The following DLG2 variants were observed in gnomAD, a reference collection of about 807,000 sequenced individuals.
The protein encoded by DLG2 is disks large homolog 2.
A neutral mutation model predicts 132.5 loss-of-function variants in DLG2; 45 were observed. The observed-to-expected ratio is 0.34, with a 90% CI of 0.27 to 0.44. DLG2 has a LOEUF of 0.44. Among genes scored for constraint, DLG2 ranks in the 20% least tolerant of loss-of-function variants. The pLI is 1.00. For synonymous variants in DLG2, 424 were observed against 419.6 expected, an observed-to-expected ratio of 1.01 and a Z score of -0.13; for missense variants, 1,045 against 1,196.9, an observed-to-expected ratio of 0.87 and a Z score of 1.87.
rs2153096280 is a variant in DLG2 at position 85,484,759 on chromosome 11, G to A, written c.40+113898C>T. ...ACACTTTTACACTGTTGGTGGGACT[G>A]TAAACTAGTTCAACCATTGTGGAAG... On this transcript the variant is annotated intron_variant, in intron 3 of 27. Coordinates refer to ENST00000376104, the MANE Select transcript of DLG2 (RefSeq NM_001142699.3). 4.0e-5 allele frequency among the ~76,000 whole-genome samples: 6 copies of A among 149,874 alleles called. No individual in the cohort carries two copies. In the South Asian group the frequency reaches 1.3e-3, roughly 32 times the overall value.
intron 19 of DLG2, among the ~76,000 whole-genome samples, chr11:83,543,897 G>T (rs1208532564): frequency 1.3e-5 from 2 of 152,198 alleles, no homozygotes; most frequent in South Asian, 2.1e-4. Flanking sequence ...TTTTGGGAGG[G>T]TTCCCACCAT....
intron 17 of DLG2, among the ~76,000 whole-genome samples, chr11:83,798,143 T>C (rs1212705731): frequency 6.6e-6 from 1 of 152,202 alleles, no homozygotes; most frequent in Non-Finnish European, 1.5e-5. Context: ...GTCATCTGCC[T>C]GCTCTGAAAG....
intron 19 of DLG2, among the ~76,000 whole-genome samples, chr11:83,550,393 G>A (rs1452421392): frequency 6.6e-6 from 1 of 152,162 alleles, no homozygotes; most frequent in Non-Finnish European, 1.5e-5. Context: ...GGGCTTGCAT[G>A]TTGATCATTT....
In DLG2 at chr11:84,643,417, C is replaced by T. The variant is rs1278365209; in HGVS notation, c.358-108686G>A. Among the ~76,000 whole-genome samples the T allele has an allele frequency of 1.3e-5, 2 of 152,096 alleles. 1 individual carries two copies. Among genetic ancestry groups the T allele is most frequent in the Non-Finnish European group, 2.9e-5 (2 of 68,026 alleles). Reference sequence around the variant, plus strand: ...AGCATGGGATGTAGAATCTGATGACCCAGCTCTTTATTTCCCAGGTGTTAC... The same window carrying T: ...AGCATGGGATGTAGAATCTGATGACTCAGCTCTTTATTTCCCAGGTGTTAC... On this transcript the variant is annotated intron_variant, in intron 6 of 27. Transcript: ENST00000376104.
intron 18 of DLG2, among the ~76,000 whole-genome samples, chr11:83,761,458 C>A (rs1242752683): frequency 6.6e-6 from 1 of 152,184 alleles, no homozygotes; most frequent in African/African-American, 2.4e-5. Context: ...TTACAATTTG[C>A]AACTTACAAT....
intron 6 of DLG2, among the ~76,000 whole-genome samples, chr11:84,564,225 T>C (rs1311114332): frequency 1.3e-5 from 2 of 152,192 alleles, no homozygotes; most frequent in Non-Finnish European, 2.9e-5. Context: ...TTATAAAAGC[T>C]TGGGTATGCT....
At chr11:85,192,133 AAGACTT>A (rs1425144934) in intron 4 of DLG2, among the ~76,000 whole-genome samples, 1 of 152,184 alleles carries the variant, frequency 6.6e-6, no homozygotes, top group Non-Finnish European at 1.5e-5. Context: ...TGGAGACAAA[AAGACTT>A]AGGGTTATAT....
In DLG2 at chr11:84,163,514, G is replaced by T; in HGVS notation, c.574-3C>A. ...TATTCAATTTCTGTCCCATTGACCTGTAAATAGGGAAAAAATAAGAAGAGA... is the reference window on the plus strand; with the variant it reads ...TATTCAATTTCTGTCCCATTGACCTTTAAATAGGGAAAAAATAAGAAGAGA... On this transcript the variant is annotated splice_polypyrimidine_tract_variant and splice_region_variant and intron_variant, in intron 8 of 27. Coordinates refer to ENST00000376104, the MANE Select transcript of DLG2 (RefSeq NM_001142699.3). 7.5e-6 allele frequency: 12 copies of T among 1,600,098 alleles called. No individual in the cohort carries two copies. Among genetic ancestry groups the T allele is most frequent in the Non-Finnish European group, 1.0e-5 (12 of 1,174,122 alleles).
intron 18 of DLG2, among the ~76,000 whole-genome samples, chr11:83,686,506 C>CT (rs1186735879): frequency 6.6e-6 from 1 of 151,892 alleles, no homozygotes; most frequent in Non-Finnish European, 1.5e-5. Context: ...GGGTCGTTGT[C>CT]TTTTTTGTCC....
At chr11:84,589,027 C>G (rs1338351521) in intron 6 of DLG2, among the ~76,000 whole-genome samples, 1 of 152,054 alleles carries the variant, frequency 6.6e-6, no homozygotes, top group East Asian at 1.9e-4. Context: ...AACCCCTGAC[C>G]CAAAGACTAA....
chr11:84,777,988 T>C (rs578158915), intron 6 of DLG2, among the ~76,000 whole-genome samples: 6 of 152,180 alleles, frequency 3.9e-5, no homozygotes, highest in African/African-American at 7.2e-5. Flanking sequence ...TTTGGTTTTG[T>C]TGCCTGTGCT....
intron 6 of DLG2, among the ~76,000 whole-genome samples, chr11:84,816,404 A>C (rs550586017): frequency 1.8e-4 from 28 of 151,938 alleles, no homozygotes; most frequent in Admixed American, 4.6e-4. Context: ...GGTAACATAC[A>C]CAGAGACTGT....
chr11:84,804,889 A>G (rs1156536860), intron 6 of DLG2, among the ~76,000 whole-genome samples: 5 of 152,156 alleles, frequency 3.3e-5, no homozygotes, highest in Non-Finnish European at 7.4e-5. Context: ...ACTTTCATAG[A>G]CACTAGGCAG....
At chr11:85,380,451 G>A (rs1596686747) in intron 3 of DLG2, among the ~76,000 whole-genome samples, 1 of 152,172 alleles carries the variant, frequency 6.6e-6, no homozygotes, top group Non-Finnish European at 1.5e-5. Context: ...CTGGAGGTTG[G>A]GAGTTTGAGA....
intron 15 of DLG2, among the ~76,000 whole-genome samples, chr11:83,881,766 C>T (rs1046906131): frequency 1.3e-5 from 2 of 152,138 alleles, no homozygotes; most frequent in Non-Finnish European, 2.9e-5. Flanking sequence ...TGCATACTAA[C>T]AAAGAATCAA....
intron 6 of DLG2, among the ~76,000 whole-genome samples, chr11:84,814,693 C>T (rs2076920622): frequency 6.6e-6 from 1 of 152,072 alleles, no homozygotes; most frequent in Admixed American, 6.6e-5. Context: ...TACTTCCCCA[C>T]TTCACCCCCA....
intron 6 of DLG2, among the ~76,000 whole-genome samples, chr11:84,741,744 T>C (rs1314981188): frequency 6.6e-6 from 1 of 151,848 alleles, no homozygotes; most frequent in East Asian, 1.9e-4. Context: ...CAGGGCCACA[T>C]CAAACACCAA....
intron 7 of DLG2, among the ~76,000 whole-genome samples, chr11:84,313,659 A>AAGAAAGAAAGAG (rs1205365532): frequency 6.6e-6 from 1 of 151,038 alleles, no homozygotes; most frequent in African/African-American, 2.4e-5. Flanking sequence ...GAAAGAAAGA[A>AAGAAAGAAAGAG]AGAAAGAAAG....
Position 84,288,094 on chromosome 11 carries a change from A to T in DLG2, c.520-36803T>A, listed in dbSNP as rs183187852. On this transcript the variant is annotated intron_variant, in intron 7 of 27. Coordinates refer to ENST00000376104, the MANE Select transcript of DLG2 (RefSeq NM_001142699.3). ...TCTGGGTAGCTATTCACTTCACTAA[A>T]TTGATATCATATGATATTAAATAAT... 2.0e-5 allele frequency among the ~76,000 whole-genome samples: 3 copies of T among 152,188 alleles called. No homozygotes were observed. In the South Asian group the frequency reaches 6.2e-4, roughly 32 times the overall value.
Sources: allele counts gnomAD v4.1 joint callset (sites outside exome capture counted in the v4.1 genomes callset), GRCh38; gene constraint gnomAD v4.1.1; transcripts MANE v1.5; gene names NCBI Gene and HGNC (gene_info 2026-07-23, HGNC 2026-07-21).